Variants in SHOC2 observed in about 807,000 individuals in gnomAD.
SHOC2 encodes leucine-rich repeat protein SHOC-2.
Under a neutral mutation model 50.2 loss-of-function variants are expected in SHOC2, and 4 were observed. That is an observed-to-expected ratio of 0.08 (90% confidence interval 0.04 to 0.18). The LOEUF is 0.18. SHOC2 is among the 10% of genes least tolerant of loss of function. SHOC2 has a pLI of 1.00. For missense variants in SHOC2, 388 were observed against 669.6 expected (o/e 0.58, Z 4.64); for synonymous variants, 218 against 244.5 (o/e 0.89, Z 1.01).
chr10:110,923,958 G>C (rs1248771396), intron 1 of SHOC2, among the ~76,000 whole-genome samples: 1 of 152,044 alleles, frequency 6.6e-6, no homozygotes, highest in Admixed American at 6.5e-5. Flanking sequence ...AGGTAAAGTG[G>C]AAATGGCCTG....
chr10:110,958,105 T>G (rs1847500991), intron 1 of SHOC2, among the ~76,000 whole-genome samples: 1 of 152,238 alleles, frequency 6.6e-6, no homozygotes, highest in African/African-American at 2.4e-5. Flanking sequence ...TGACTACTCC[T>G]TCCTTCTAAA....
At chr10:110,966,387 T>C (rs1847675637) in intron 2 of SHOC2, among the ~76,000 whole-genome samples, 1 of 152,126 alleles carries the variant, frequency 6.6e-6, no homozygotes, top group Non-Finnish European at 1.5e-5. Flanking sequence ...CTTGTTTTAG[T>C]GTCATATTTA....
intron 3 of SHOC2, among the ~76,000 whole-genome samples, chr10:110,992,568 C>G (rs1272262801): frequency 7.2e-5 from 11 of 152,160 alleles, no homozygotes; most frequent in Admixed American, 7.2e-4. Flanking sequence ...TAGGAGAGAA[C>G]TGTGCCACAA....
intron 2 of SHOC2, among the ~76,000 whole-genome samples, chr10:110,968,761 A>T (rs1473063103): frequency 1.3e-5 from 2 of 152,088 alleles, no homozygotes; most frequent in Admixed American, 1.3e-4. Context: ...TGATTGCGCC[A>T]CCGGACTTCA....
chr10:110,925,386 C>T (rs943428218), intron 1 of SHOC2, among the ~76,000 whole-genome samples: 2 of 152,056 alleles, frequency 1.3e-5, no homozygotes, highest in Non-Finnish European at 2.9e-5. Context: ...ATTTTTCACG[C>T]AGTATTTTTT....
rs1366497529 is a variant in SHOC2 at position 110,968,604 on chromosome 10, A to G, written c.703+3543A>G. Among the ~76,000 whole-genome samples, 67 of 151,808 alleles carry G rather than the reference A, an allele frequency of 4.4e-4. 2 individuals are homozygous for G. Among genetic ancestry groups the G allele is most frequent in the Non-Finnish European group, 2.9e-5 (2 of 67,928 alleles). On this transcript the variant is annotated intron_variant, in intron 2 of 8. Transcript: ENST00000369452. ...TGTTTGAATAAATATATCACTTTAA[A>G]TCATGCCATCCAGTTTTTATTCAGC...
intron 1 of SHOC2, among the ~76,000 whole-genome samples, chr10:110,940,302 G>A (rs892834651): frequency 2.0e-5 from 3 of 152,070 alleles, no homozygotes; most frequent in Non-Finnish European, 2.9e-5. Flanking sequence ...TACATTAATT[G>A]TGGTGTATGT....
intron 1 of SHOC2, among the ~76,000 whole-genome samples, chr10:110,939,915 G>A (rs1847102946): frequency 6.6e-6 from 1 of 152,072 alleles, no homozygotes; most frequent in Admixed American, 6.5e-5. Context: ...ATGGAAAAGT[G>A]GACTTAAATG....
intron 1 of SHOC2, among the ~76,000 whole-genome samples, chr10:110,927,898 A>G (rs1846807646): frequency 6.6e-6 from 1 of 152,240 alleles, no homozygotes. Context: ...GACTTTTAAA[A>G]TGGAGTCACT....
intron 1 of SHOC2, among the ~76,000 whole-genome samples, chr10:110,943,287 A>G (rs1188311051): frequency 1.4e-5 from 2 of 145,132 alleles, no homozygotes. Flanking sequence ...CTCATACTGG[A>G]TAATATAAAT....
intron 1 of SHOC2, among the ~76,000 whole-genome samples, chr10:110,925,221 T>C (rs1050647058): frequency 4.6e-5 from 7 of 152,028 alleles, no homozygotes; most frequent in Non-Finnish European, 7.4e-5. Flanking sequence ...AAATGTACTC[T>C]TTTTTGAGTA....
chr10:110,960,393 C>T lies in SHOC2; in HGVS notation c.-234-3732C>T, dbSNP rs533465722. The stretch of plus-strand genomic sequence containing the variant: ...AGCCTAAATGAATTGTAATCACCAC[C>T]GTCATATAGTCATGATTTGGATGTT... On this transcript the variant is annotated intron_variant, in intron 1 of 8. Coordinates refer to ENST00000369452, the MANE Select transcript of SHOC2 (RefSeq NM_007373.4). Among the ~76,000 whole-genome samples, 9 of 152,240 alleles carry T rather than the reference C, an allele frequency of 5.9e-5. No homozygotes were observed. The South Asian group carries it at 6.2e-4, about 11-fold the overall frequency.
At chr10:110,996,281 C>T (rs929786606) in intron 3 of SHOC2, among the ~76,000 whole-genome samples, 1 of 152,136 alleles carries the variant, frequency 6.6e-6, no homozygotes, top group African/African-American at 2.4e-5. Flanking sequence ...GTAATCCCAG[C>T]ATTTTGGGAG....
At chr10:111,008,198 A>G (rs1425575109) in intron 6 of SHOC2, among the ~76,000 whole-genome samples, 1 of 148,384 alleles carries the variant, frequency 6.7e-6, no homozygotes, top group African/African-American at 2.5e-5. Flanking sequence ...GTTTTTCCAT[A>G]ATTAAAGATC....
intron 1 of SHOC2, among the ~76,000 whole-genome samples, chr10:110,953,416 C>G (rs1473527402): frequency 2.0e-5 from 3 of 152,140 alleles, no homozygotes; most frequent in Non-Finnish European, 2.9e-5. Context: ...TGGCTTCTTT[C>G]ATTTAGAAAT....
intron 2 of SHOC2, among the ~76,000 whole-genome samples, chr10:110,970,232 T>G (rs1847753523): frequency 6.6e-6 from 1 of 152,148 alleles, no homozygotes; most frequent in Non-Finnish European, 1.5e-5. Flanking sequence ...CAGCCTCTAG[T>G]AACCACTATT....
chr10:110,946,131 A>AT (rs1847242150), intron 1 of SHOC2, among the ~76,000 whole-genome samples: 1 of 151,998 alleles, frequency 6.6e-6, no homozygotes, highest in African/African-American at 2.4e-5. Context: ...TATAATCATG[A>AT]TATCACTCAG....
At chr10:111,001,330 T>C (rs567843428) in intron 4 of SHOC2, among the ~76,000 whole-genome samples, 1 of 152,052 alleles carries the variant, frequency 6.6e-6, no homozygotes, top group South Asian at 2.1e-4. Context: ...AATTTTGTAT[T>C]TTTAGTAGAG....
intron 1 of SHOC2, 104 bp downstream of exon 1, chr10:110,919,761 C>G (rs1418080339): frequency 2.5e-6 from 1 of 395,172 alleles, no homozygotes. Context: ...GGGGAGGCCC[C>G]GTGCGCCCTG....
Sources: gnomAD v4.1 joint callset for allele counts (sites outside exome capture counted in the v4.1 genomes callset) on GRCh38, gnomAD v4.1.1 for gene constraint, MANE v1.5 for transcripts, NCBI Gene and HGNC (gene_info 2026-07-23, HGNC 2026-07-21) for gene names.